SLC17A1: variants seen among roughly 807,000 people sequenced by gnomAD.
SLC17A1 encodes the protein solute carrier family 17 member 1.
SLC17A1 carries 51 observed loss-of-function variants against 53.5 expected under a neutral mutation model. The ratio of observed to expected loss-of-function variants is 0.95; its 90% confidence interval spans 0.76 to 1.20. The LOEUF (loss-of-function observed/expected upper bound fraction) is 1.20. Among genes scored for constraint, SLC17A1 ranks in the 50% most tolerant of loss-of-function variants. SLC17A1 has a pLI of 0.00. For missense variants in SLC17A1, 538 were observed against 568.2 expected, an observed-to-expected ratio of 0.95 and a Z score of 0.54; for synonymous variants, 179 against 198.8, an observed-to-expected ratio of 0.90 and a Z score of 0.84.
chr6:25,761,567 C>A, the SLC17A1 span, among the ~76,000 whole-genome samples: 1 of 152,080 alleles, frequency 6.6e-6, no homozygotes, highest in African/African-American at 2.4e-5. Context: ...TAATTTAATC[C>A]ACTGGAATCT....
chr6:25,819,957 A>G, intron 3 of SLC17A1, 42 bp from the exon 4 acceptor site: 1 of 1,339,018 alleles, frequency 7.5e-7, no homozygotes, highest in Non-Finnish European at 1.0e-6. Context: ...TCTGCATATC[A>G]GAAATTTACT....
At chr6:25,822,956 T>C (rs1764616364) in intron 3 of SLC17A1, among the ~76,000 whole-genome samples, 1 of 152,096 alleles carries the variant, frequency 6.6e-6, no homozygotes, top group African/African-American at 2.4e-5. Context: ...TTTTTGTAAT[T>C]CCTCCCTCCT....
intron 3 of SLC17A1, among the ~76,000 whole-genome samples, chr6:25,821,687 C>T (rs1161669019): frequency 6.6e-6 from 1 of 152,082 alleles, no homozygotes; most frequent in African/African-American, 2.4e-5. Flanking sequence ...AAAAGTTCAC[C>T]AGAATTGGTT....
intron 3 of SLC17A1, among the ~76,000 whole-genome samples, chr6:25,826,223 C>G (rs1764735115): frequency 6.6e-6 from 1 of 152,050 alleles, no homozygotes. Flanking sequence ...TAAAGAAGCC[C>G]TAACTCTTGG....
At chr6:25,829,232 T>C (rs1764861253) in intron 2 of SLC17A1, among the ~76,000 whole-genome samples, 1 of 152,076 alleles carries the variant, frequency 6.6e-6, no homozygotes, top group African/African-American at 2.4e-5. Flanking sequence ...TGCGATAGTG[T>C]ATAGTAGGAG....
rs1433494875 is a variant in SLC17A1, at chr6:25,798,893, G to T, written c.1296C>A (p.Thr432=). 6.2e-7 allele frequency: 1 copy of T among 1,600,246 alleles called. No individual in the cohort carries two copies. The highest frequency in any genetic ancestry group is 8.5e-7 in the Non-Finnish European group (1 of 1,170,564). The change falls in exon 12 of 13, where the codon ACC becomes ACA. Residue 432 remains threonine (T), a synonymous_variant. Transcript: ENST00000244527. The stretch of plus-strand genomic sequence containing the variant: ...CATTAATGGCTGCCATCAGGATGAA[G>T]GTTTTAAACCAGGCGGATTCCGGAT... ...KQDPESAWFK[T]FILMAAINVT...
At chr6:25,760,839 TC>T in the SLC17A1 span, among the ~76,000 whole-genome samples, 1 of 152,202 alleles carries the variant, frequency 6.6e-6, no homozygotes, top group African/African-American at 2.4e-5. Flanking sequence ...CTTTTTATGT[TC>T]TAGGGTCCAT....
At chr6:25,769,247 G>A in the SLC17A1 span, 8 of 1,472,090 alleles carry the variant, frequency 5.4e-6, no homozygotes, top group East Asian at 4.6e-5. Context: ...GACTTAAAGA[G>A]TTATAAAAGA....
chr6:25,779,894 G>A (rs1315826790), downstream of SLC17A1: 1 of 152,162 alleles, frequency 6.6e-6, no homozygotes, highest in African/African-American at 2.4e-5. Context: ...ATTGCCCAGT[G>A]TCTCTTCTAG....
chr6:25,726,944 C>T, the SLC17A1 span: 68 of 1,613,732 alleles, frequency 4.2e-5, no homozygotes, highest in South Asian at 3.1e-4. Context: ...CTACCATTTC[C>T]AAGAAGGGCT....
At chr6:25,811,280 T>C in intron 10 of SLC17A1, 118 bp downstream of exon 10, 1 of 1,126,150 alleles carries the variant, frequency 8.9e-7, no homozygotes, top group South Asian at 1.6e-5. Context: ...TATGTTACTT[T>C]GCTCGATTTT....
chr6:25,791,850 G>C (rs768980483), intron 12 of SLC17A1, among the ~76,000 whole-genome samples: 1 of 152,220 alleles, frequency 6.6e-6, no homozygotes, highest in Non-Finnish European at 1.5e-5. Context: ...TGAAGTGACC[G>C]AGTCCATTTG....
chr6:25,755,328 A>G, the SLC17A1 span, among the ~76,000 whole-genome samples: 1 of 152,172 alleles, frequency 6.6e-6, no homozygotes, highest in African/African-American at 2.4e-5. Context: ...GGCTTTGGGA[A>G]GTAGTTAATG....
chr6:25,738,045 T>G, the SLC17A1 span, among the ~76,000 whole-genome samples: 3 of 152,184 alleles, frequency 2.0e-5, no homozygotes, highest in African/African-American at 7.2e-5. Flanking sequence ...AAACTCCCTA[T>G]ATTCACAGAT....
chr6:25,823,703 T>C (rs1764643033), intron 3 of SLC17A1, among the ~76,000 whole-genome samples: 1 of 152,040 alleles, frequency 6.6e-6, no homozygotes, highest in Middle Eastern at 3.2e-3. Flanking sequence ...CTTTATAAGA[T>C]ATGATTAGCA....
the SLC17A1 span, chr6:25,726,726 G>C: frequency 5.8e-6 from 6 of 1,041,578 alleles, no homozygotes; most frequent in Admixed American, 2.5e-5. Flanking sequence ...TACCGAACGC[G>C]GCGTTTGAGG....
chr6:25,770,662 G>T, the SLC17A1 span, among the ~76,000 whole-genome samples: 5 of 152,132 alleles, frequency 3.3e-5, no homozygotes, highest in Admixed American at 2.0e-4. Context: ...AAACATTCTT[G>T]TGTTTTGCAC....
At chr6:25,729,859 A>AAGCTCC in the SLC17A1 span, among the ~76,000 whole-genome samples, 6 of 152,122 alleles carry the variant, frequency 3.9e-5, no homozygotes, top group Non-Finnish European at 8.8e-5. Context: ...GTAATCCAAA[A>AAGCTCC]AGCTCCAACA....
chr6:25,753,157 C>G, the SLC17A1 span, among the ~76,000 whole-genome samples: 6 of 152,116 alleles, frequency 3.9e-5, no homozygotes, highest in Admixed American at 1.3e-4. Context: ...TTTTACTTTT[C>G]TAACAACATT....
Sources: gnomAD v4.1 joint callset for allele counts (sites outside exome capture counted in the v4.1 genomes callset) on GRCh38, gnomAD v4.1.1 for gene constraint, MANE v1.5 for transcripts, NCBI Gene and HGNC (gene_info 2026-07-23, HGNC 2026-07-21) for gene names.